NEGR1: variants seen among roughly 807,000 people sequenced by gnomAD.
NEGR1 encodes the protein neuronal growth regulator 1.
NEGR1 carries 10 observed loss-of-function variants against 40.9 expected under a neutral mutation model. That is an observed-to-expected ratio of 0.24 (90% CI 0.15 to 0.42). The LOEUF (loss-of-function observed/expected upper bound fraction) is 0.42. Among genes scored for constraint, NEGR1 ranks in the 10% least tolerant of loss-of-function variants. The pLI, the probability that NEGR1 is intolerant of heterozygous loss-of-function variation, is 1.00. For missense variants in NEGR1, 352 were observed against 438.9 expected (o/e 0.80, Z 1.77); for synonymous variants, 185 against 166.8 (o/e 1.11, Z -0.84).
At chr1:71,497,474 A>G (rs1381284515) in intron 6 of NEGR1, among the ~76,000 whole-genome samples, 1 of 152,152 alleles carries the variant, frequency 6.6e-6, no homozygotes. Flanking sequence ...AGACAATTTA[A>G]GGAGCTTTTT....
At chr1:71,927,851 A>AAAAAAAAAAAAG (rs1557437874) in intron 2 of NEGR1, among the ~76,000 whole-genome samples, 8 of 125,380 alleles carry the variant, frequency 6.4e-5, no homozygotes, top group African/African-American at 2.6e-4. Flanking sequence ...AAAAAAAAAA[A>AAAAAAAAAAAAG]GCCAGGCAGA....
At chr1:71,921,871 A>G (rs1017395872) in intron 2 of NEGR1, among the ~76,000 whole-genome samples, 1 of 151,912 alleles carries the variant, frequency 6.6e-6, no homozygotes, top group African/African-American at 2.4e-5. Flanking sequence ...GTCAAAGGTT[A>G]TGTGCAGATT....
chr1:71,591,493 A>T (rs1464465726), intron 6 of NEGR1, among the ~76,000 whole-genome samples: 1 of 152,134 alleles, frequency 6.6e-6, no homozygotes, highest in Non-Finnish European at 1.5e-5. Context: ...TATTCTTTCA[A>T]GTGCTTGAAT....
chr1:71,992,861 T>A (rs535793667), intron 1 of NEGR1, among the ~76,000 whole-genome samples: 2 of 152,274 alleles, frequency 1.3e-5, no homozygotes, highest in South Asian at 4.1e-4. Flanking sequence ...CCAAAAACAA[T>A]GACCAAAGTA....
intron 4 of NEGR1, among the ~76,000 whole-genome samples, chr1:71,642,478 G>A (rs912690003): frequency 6.6e-6 from 1 of 151,802 alleles, no homozygotes; most frequent in Non-Finnish European, 1.5e-5. Flanking sequence ...GAATGAAAGA[G>A]ATCAACTTTG....
At chr1:71,522,226 C>T (rs1569981891) in intron 6 of NEGR1, among the ~76,000 whole-genome samples, 3 of 151,814 alleles carry the variant, frequency 2.0e-5, no homozygotes, top group East Asian at 1.9e-4. Flanking sequence ...TATTTTTATT[C>T]GAAGCCCAGT....
intron 3 of NEGR1, among the ~76,000 whole-genome samples, chr1:71,753,543 T>C (rs900511057): frequency 6.6e-5 from 10 of 152,156 alleles, no homozygotes; most frequent in African/African-American, 2.4e-4. Flanking sequence ...TTAGTAATTA[T>C]ATACCTAGAT....
At chr1:72,103,837 C>T (rs11804054) in intron 1 of NEGR1, among the ~76,000 whole-genome samples, 3,360 of 151,998 alleles carry the variant, frequency 0.022, 136 homozygotes, top group African/African-American at 0.077. Flanking sequence ...CTCTTAGGGA[C>T]GTATTTTAAT....
chr1:71,719,623 T>G (rs1654431953), intron 3 of NEGR1, among the ~76,000 whole-genome samples: 1 of 120,782 alleles, frequency 8.3e-6, no homozygotes, highest in Admixed American at 7.8e-5. Flanking sequence ...GGAGCCAGTG[T>G]TTTTTTTTTT....
chr1:71,762,673 A>G (rs556478308), intron 3 of NEGR1, among the ~76,000 whole-genome samples: 1 of 152,312 alleles, frequency 6.6e-6, no homozygotes, highest in South Asian at 2.1e-4. Context: ...ACTATGCTGA[A>G]TATAAAAAGC....
chr1:71,775,121 C>T (rs2101716482), intron 3 of NEGR1, among the ~76,000 whole-genome samples: 2 of 152,252 alleles, frequency 1.3e-5, no homozygotes, highest in East Asian at 3.9e-4. Context: ...TAACTTTATT[C>T]TCCCCTGATT....
intron 2 of NEGR1, among the ~76,000 whole-genome samples, chr1:71,895,009 C>G (rs1377204605): frequency 6.6e-6 from 1 of 152,032 alleles, no homozygotes; most frequent in African/African-American, 2.4e-5. Context: ...TAGAAAATAT[C>G]TATAAGCAGT....
chr1:71,911,234 G>A (rs76258832), intron 2 of NEGR1, among the ~76,000 whole-genome samples: 3,260 of 152,092 alleles, frequency 0.021, 66 homozygotes, highest in Middle Eastern at 0.068. Context: ...TAATTGTATT[G>A]AGGCTTAATT....
At chr1:71,497,252 G>T (rs1458688246) in intron 6 of NEGR1, among the ~76,000 whole-genome samples, 1 of 152,090 alleles carries the variant, frequency 6.6e-6, no homozygotes, top group Non-Finnish European at 1.5e-5. Flanking sequence ...CTGATTAAAA[G>T]AAATGCAGTC....
In NEGR1 at chr1:71,405,951, A is replaced by G. The variant is rs1329163364; in HGVS notation, c.*1495T>C. ...CAAACTATTCCTGTAAATTAATGTTAGAGTAACAGCATTTTCCTTCAAAAA... is the reference window on the plus strand; with the variant it reads ...CAAACTATTCCTGTAAATTAATGTTGGAGTAACAGCATTTTCCTTCAAAAA... On this transcript the variant is annotated 3_prime_UTR_variant, in exon 7 of 7. Transcript: ENST00000357731. 6.6e-6 allele frequency: 1 copy of G among 152,244 alleles called. No individual in the cohort carries two copies. Among genetic ancestry groups the G allele is most frequent in the Non-Finnish European group, 1.5e-5 (1 of 67,840 alleles). 9.4% of individuals were successfully genotyped at this position (152,244 alleles called of 1,614,324 possible).
At chr1:71,915,930 G>C (rs1661565645) in intron 2 of NEGR1, among the ~76,000 whole-genome samples, 1 of 152,212 alleles carries the variant, frequency 6.6e-6, no homozygotes. Context: ...AGGATGTTCA[G>C]AGATGTTCAG....
intron 4 of NEGR1, among the ~76,000 whole-genome samples, chr1:71,648,448 CA>C (rs986539351): frequency 6.6e-6 from 1 of 151,950 alleles, no homozygotes; most frequent in Admixed American, 6.6e-5. Flanking sequence ...CTGAGTTACA[CA>C]GAAGTTAAAT....
Position 72,233,694 on chromosome 1 carries a change from T to C in NEGR1, c.176+48625A>G, listed in dbSNP as rs901915481. On this transcript the variant is annotated intron_variant, in intron 1 of 6. Coordinates refer to ENST00000357731, the MANE Select transcript of NEGR1 (RefSeq NM_173808.3). ...CACATTTTCTATATCCAATCCATTA[T>C]TGATGAGCACCTAGGTTGATTTTGT... Among the ~76,000 whole-genome samples, 9 of 152,178 alleles carry C rather than the reference T, an allele frequency of 5.9e-5. No homozygotes were observed. In the East Asian group the frequency reaches 1.7e-3, roughly 29 times the overall value.
At chr1:71,769,388 G>C (rs567955042) in intron 3 of NEGR1, among the ~76,000 whole-genome samples, 2 of 152,108 alleles carry the variant, frequency 1.3e-5, no homozygotes, top group Non-Finnish European at 2.9e-5. Context: ...TTCAGGAACA[G>C]AGTTACAAAT....
Sources: gnomAD v4.1 joint callset for allele counts (sites outside exome capture counted in the v4.1 genomes callset) on GRCh38, gnomAD v4.1.1 for gene constraint, MANE v1.5 for transcripts, NCBI Gene and HGNC (gene_info 2026-07-23, HGNC 2026-07-21) for gene names.